FHIT: variants seen among roughly 807,000 people sequenced by gnomAD.
FHIT encodes fragile histidine triad diadenosine triphosphatase, also known as bis(5'-adenosyl)-triphosphatase.
FHIT carries 19 observed loss-of-function variants against 17.9 expected under a neutral mutation model. The ratio of observed to expected loss-of-function variants is 1.06; its 90% CI spans 0.74 to 1.56. The LOEUF (loss-of-function observed/expected upper bound fraction) is 1.56, where lower values mean the gene tolerates loss of function less well. Ranked by LOEUF, FHIT falls within the 40% of genes most tolerant of loss-of-function variation. The pLI is 0.00. For synonymous variants in FHIT, 81 were observed against 69.7 expected, an observed-to-expected ratio of 1.16 and a Z score of -0.81; for missense variants, 248 against 189.2, an observed-to-expected ratio of 1.31 and a Z score of -1.82.
At chr3:60,471,292 C>A (rs1272841840) in intron 5 of FHIT, among the ~76,000 whole-genome samples, 1 of 152,182 alleles carries the variant, frequency 6.6e-6, no homozygotes, top group Non-Finnish European at 1.5e-5. Flanking sequence ...ACTTTCCTTG[C>A]AGTCCTTGTG....
At chr3:59,952,721 A>G (rs2101339) in intron 7 of FHIT, among the ~76,000 whole-genome samples, 6,444 of 152,198 alleles carry the variant, frequency 0.042, 211 homozygotes, top group Admixed American at 0.094. Context: ...TGAAAAGTCT[A>G]ATTTCTTTTT....
chr3:60,477,395 G>A (rs2107464646), intron 5 of FHIT, among the ~76,000 whole-genome samples: 1 of 152,208 alleles, frequency 6.6e-6, no homozygotes, highest in Non-Finnish European at 1.5e-5. Context: ...GAGAGGATTT[G>A]AGTGTTTATG....
intron 5 of FHIT, among the ~76,000 whole-genome samples, chr3:60,092,293 C>T (rs546411350): frequency 1.2e-4 from 19 of 152,298 alleles, no homozygotes; most frequent in African/African-American, 1.9e-4. Flanking sequence ...GTTTTGATTA[C>T]ATAAAGATCT....
At chr3:60,972,238 T>A (rs2107531548) in intron 3 of FHIT, among the ~76,000 whole-genome samples, 1 of 152,312 alleles carries the variant, frequency 6.6e-6, no homozygotes, top group South Asian at 2.1e-4. Context: ...TTCCTCTGAC[T>A]GAGGAGCTCC....
intron 7 of FHIT, among the ~76,000 whole-genome samples, chr3:59,958,561 C>T (rs1707515508): frequency 6.6e-6 from 1 of 152,146 alleles, no homozygotes; most frequent in Non-Finnish European, 1.5e-5. Context: ...TCAGGAACAG[C>T]AAATAGGTTT....
intron 5 of FHIT, among the ~76,000 whole-genome samples, chr3:60,417,551 A>C (rs538227060): frequency 2.0e-5 from 3 of 152,350 alleles, no homozygotes; most frequent in African/African-American, 7.2e-5. Flanking sequence ...AACTCAAAGA[A>C]CACATAATTA....
At position 61,036,913 on chromosome 3, in the gene FHIT, TGTTTGTTTG is replaced by T. The variant is rs1461163815; in HGVS notation, c.-111+5125_-111+5133del. Among the ~76,000 whole-genome samples the T allele has an allele frequency of 1.7e-3, 209 of 120,888 alleles. 5 individuals carry two copies. In the South Asian group the frequency reaches 0.033, roughly 19 times the overall value. 79.3% of individuals were successfully genotyped at this position (120,888 alleles called of 152,430 possible). A position where few individuals can be genotyped will look rare whatever the true frequency, so the allele number is the denominator to read the frequency against. On this transcript the variant is annotated intron_variant, in intron 3 of 9. Transcript: ENST00000492590. ...ATCAGTCTGCTTTGTTTTTTTTTTT[TGTTTGTTTG>T]TTTTTTTGAGATGGAGTCTCGCTCT...
At chr3:60,655,251 C>A (rs2107813748) in intron 4 of FHIT, among the ~76,000 whole-genome samples, 1 of 152,302 alleles carries the variant, frequency 6.6e-6, no homozygotes, top group Non-Finnish European at 1.5e-5. Flanking sequence ...GGACTGGGAA[C>A]TGTTACTTTG....
Position 61,056,907 on chromosome 3 carries a change from G to A in FHIT, c.-163-14808C>T, listed in dbSNP as rs138173500. On this transcript the variant is annotated intron_variant, in intron 2 of 9. Transcript: ENST00000492590. ...AATTGTGGTGGTATCAGGTATTGCT[G>A]TTTTAGCTGTCACAAGCAAAAGATA... Among the ~76,000 whole-genome samples, 929 of 152,306 alleles carry A rather than the reference G, an allele frequency of 6.1e-3. 7 individuals are homozygous for A. The highest frequency in any genetic ancestry group is 0.021 in the African/African-American group (862 of 41,568).
chr3:60,307,208 C>G (rs995886403), intron 5 of FHIT, among the ~76,000 whole-genome samples: 1 of 152,150 alleles, frequency 6.6e-6, no homozygotes, highest in African/African-American at 2.4e-5. Context: ...AGTAAAACAT[C>G]TCCTCAAAAA....
At chr3:60,129,171 G>C (rs1255993911) in intron 5 of FHIT, among the ~76,000 whole-genome samples, 1 of 149,652 alleles carries the variant, frequency 6.7e-6, no homozygotes, top group Non-Finnish European at 1.5e-5. Flanking sequence ...TTCTGCCTCA[G>C]CCTCCCAAGT....
At chr3:60,113,574 C>A (rs1704780005) in intron 5 of FHIT, among the ~76,000 whole-genome samples, 1 of 151,758 alleles carries the variant, frequency 6.6e-6, no homozygotes, top group African/African-American at 2.4e-5. Flanking sequence ...ACTACTGGTA[C>A]ATGAAGATTA....
chr3:60,678,925 G>A, intron 4 of FHIT, among the ~76,000 whole-genome samples: 1 of 147,986 alleles, frequency 6.8e-6, no homozygotes. Context: ...CCATCTTAAG[G>A]ACTTTAGTAC....
chr3:60,690,487 A>G (rs1553699325), intron 4 of FHIT: 1 of 567,020 alleles, frequency 1.8e-6, no homozygotes, highest in Non-Finnish European at 3.5e-6. Flanking sequence ...CTCCCTGTAG[A>G]TGGACTTGCT....
chr3:60,719,098 C>A (rs1412389631), intron 4 of FHIT, among the ~76,000 whole-genome samples: 1 of 152,134 alleles, frequency 6.6e-6, no homozygotes, highest in Non-Finnish European at 1.5e-5. Flanking sequence ...AGTCCCTTAG[C>A]CTCTCTCCAT....
chr3:60,839,529 A>G (rs1702646605), intron 3 of FHIT, among the ~76,000 whole-genome samples: 1 of 152,114 alleles, frequency 6.6e-6, no homozygotes, highest in South Asian at 2.1e-4. Context: ...AAACATTAAC[A>G]TTTCTTAATG....
At chr3:61,130,558 A>T (rs1243770969) in intron 2 of FHIT, among the ~76,000 whole-genome samples, 1 of 152,172 alleles carries the variant, frequency 6.6e-6, no homozygotes, top group African/African-American at 2.4e-5. Context: ...AAAAAGATAA[A>T]TGTTCCCCCA....
At chr3:59,875,360 T>C (rs975786902) in intron 8 of FHIT, among the ~76,000 whole-genome samples, 3 of 152,202 alleles carry the variant, frequency 2.0e-5, no homozygotes, top group Admixed American at 1.3e-4. Context: ...AGGGAAGACA[T>C]TGCCCCAGCT....
At chr3:60,337,349 G>A (rs770827347) in intron 5 of FHIT, among the ~76,000 whole-genome samples, 2 of 151,924 alleles carry the variant, frequency 1.3e-5, no homozygotes, top group Non-Finnish European at 2.9e-5. Context: ...ACTCGGTTTC[G>A]TGGCTTTACT....
Sources: gnomAD v4.1 joint callset for allele counts (sites outside exome capture counted in the v4.1 genomes callset) on GRCh38, gnomAD v4.1.1 for gene constraint, MANE v1.5 for transcripts, NCBI Gene and HGNC (gene_info 2026-07-23, HGNC 2026-07-21) for gene names.